ATXN1: variants seen among roughly 807,000 people sequenced by gnomAD.
ATXN1 encodes ataxin-1.
In ATXN1, 8 loss-of-function variants were observed where a neutral mutation model predicts 56.4. That is an observed-to-expected ratio of 0.14 (90% confidence interval 0.08 to 0.26). The LOEUF is 0.26. ATXN1 is among the 10% of genes least tolerant of loss of function. The pLI, the probability that ATXN1 is intolerant of heterozygous loss-of-function variation, is 1.00. For synonymous variants in ATXN1, 514 were observed against 494.6 expected, an observed-to-expected ratio of 1.04 and a Z score of -0.52; for missense variants, 987 against 1,106.5, an observed-to-expected ratio of 0.89 and a Z score of 1.53.
At chr6:16,382,036 C>T (rs1758136569) in intron 6 of ATXN1, among the ~76,000 whole-genome samples, 1 of 152,134 alleles carries the variant, frequency 6.6e-6, no homozygotes, top group South Asian at 2.1e-4. Flanking sequence ...AGTAATTCTA[C>T]CCAAAACAAA....
At chr6:16,563,685 T>C (rs1762161995) in intron 4 of ATXN1, among the ~76,000 whole-genome samples, 1 of 151,986 alleles carries the variant, frequency 6.6e-6, no homozygotes, top group Non-Finnish European at 1.5e-5. Context: ...GTCCGGGGTG[T>C]GGCAGTATCT....
At chr6:16,426,157 G>A (rs1007981424) in intron 6 of ATXN1, among the ~76,000 whole-genome samples, 9 of 152,128 alleles carry the variant, frequency 5.9e-5, no homozygotes, top group Non-Finnish European at 2.9e-5. Context: ...AACCTTTTGA[G>A]GACAGAAGGC....
At chr6:16,636,694 G>C (rs79881269) in intron 3 of ATXN1, among the ~76,000 whole-genome samples, 8,496 of 152,274 alleles carry the variant, frequency 0.056, 426 homozygotes, top group Middle Eastern at 0.15. Flanking sequence ...TGATTCCTCA[G>C]TTATATTTTC....
At chr6:16,329,751 T>C (rs184202256) in intron 6 of ATXN1, among the ~76,000 whole-genome samples, 4 of 152,316 alleles carry the variant, frequency 2.6e-5, no homozygotes, top group Non-Finnish European at 5.9e-5. Context: ...GATCAGTGTG[T>C]TCAAACCTGG....
At chr6:16,366,912 A>G (rs1339197322) in intron 6 of ATXN1, among the ~76,000 whole-genome samples, 1 of 152,190 alleles carries the variant, frequency 6.6e-6, no homozygotes, top group Admixed American at 6.5e-5. Flanking sequence ...TGAGCTATGA[A>G]ATGGGGAACT....
At chr6:16,714,380 T>C (rs987355293) in intron 2 of ATXN1, among the ~76,000 whole-genome samples, 6 of 152,128 alleles carry the variant, frequency 3.9e-5, no homozygotes, top group Non-Finnish European at 5.9e-5. Context: ...CCCGCCTTTG[T>C]AGAACAGCTA....
At chr6:16,717,637 T>C (rs1759665679) in intron 2 of ATXN1, among the ~76,000 whole-genome samples, 2 of 152,208 alleles carry the variant, frequency 1.3e-5, no homozygotes, top group Admixed American at 6.5e-5. Flanking sequence ...AGTATGTTAG[T>C]AATGGTTTCC....
intron 4 of ATXN1, among the ~76,000 whole-genome samples, chr6:16,552,637 T>G (rs929505796): frequency 2.6e-5 from 4 of 152,204 alleles, no homozygotes; most frequent in African/African-American, 9.7e-5. Flanking sequence ...ATACTCACAC[T>G]TTTCACAAGT....
At chr6:16,628,833 A>G (rs1026703311) in intron 3 of ATXN1, among the ~76,000 whole-genome samples, 35 of 152,278 alleles carry the variant, frequency 2.3e-4, no homozygotes, top group Middle Eastern at 6.8e-3. Context: ...TTCCATGGTA[A>G]TATGTACCAC....
intron 3 of ATXN1, among the ~76,000 whole-genome samples, chr6:16,606,502 T>C (rs892388159): frequency 1.4e-4 from 20 of 146,064 alleles, no homozygotes; most frequent in Admixed American, 1.3e-3. Context: ...TTCGTTTGTT[T>C]GTGGTTTTTT....
At position 16,306,781 on chromosome 6, in the gene ATXN1, T is replaced by G; in HGVS notation, c.1996A>C (p.Ser666Arg). ...GWSSCCPERT[S>R]QLFDLPCSKL... is the part of the protein sequence containing the mutation. ...GAACACGGCAAATCAAAGAGCTGGC[T>G]GGTTCTCTCCGGACAGCAGGATGAC... is the stretch of plus-strand genomic sequence containing the variant. The change falls in exon 8 of 8, where the codon AGC becomes CGC. Residue 666 changes from serine (S) to arginine (R), a missense_variant. Ser to Arg is a moderately radical substitution (Grantham distance 110, BLOSUM62 -1). Coordinates refer to ENST00000436367, the MANE Select transcript of ATXN1 (RefSeq NM_001128164.2). This position sits in a 1 kb window ranked among gnomAD's most constrained non-coding sequence, Gnocchi z 5.2. The G allele has an allele frequency of 6.2e-7, 1 of 1,614,136 alleles. No homozygotes were observed. Among genetic ancestry groups the G allele is most frequent in the Non-Finnish European group, 8.5e-7 (1 of 1,180,024 alleles).
chr6:16,341,628 C>T (rs1036143512), intron 6 of ATXN1, among the ~76,000 whole-genome samples: 4 of 150,544 alleles, frequency 2.7e-5, no homozygotes, highest in Non-Finnish European at 4.4e-5. Context: ...ACACCATTCT[C>T]CTGCCTCAGC....
At chr6:16,681,153 C>T (rs965666575) in intron 2 of ATXN1, among the ~76,000 whole-genome samples, 17 of 152,210 alleles carry the variant, frequency 1.1e-4, no homozygotes, top group African/African-American at 7.2e-5. Context: ...CCAGGATCTT[C>T]TATTTAATGG....
intron 2 of ATXN1, among the ~76,000 whole-genome samples, chr6:16,749,269 C>T (rs1008913377): frequency 6.6e-6 from 1 of 152,070 alleles, no homozygotes; most frequent in African/African-American, 2.4e-5. Flanking sequence ...TTGTGATTTA[C>T]GCATATCATG....
In ATXN1 at chr6:16,376,020, C is replaced by T. The variant is rs138285498; in HGVS notation, c.-160-47550G>A. Among the ~76,000 whole-genome samples the T allele has an allele frequency of 1.7e-4, 26 of 152,298 alleles. 1 individual carries two copies. The South Asian group carries it at 3.5e-3, about 21-fold the overall frequency. On this transcript the variant is annotated intron_variant, in intron 6 of 7. Transcript: ENST00000436367. ...TGGTGCCCCATGGCACAGCTGCCTGCGGGATGGCACATGGTACACTAATAG... is the reference window on the plus strand; with the variant it reads ...TGGTGCCCCATGGCACAGCTGCCTGTGGGATGGCACATGGTACACTAATAG...
At chr6:16,713,645 GC>G (rs1759572778) in intron 2 of ATXN1, among the ~76,000 whole-genome samples, 1 of 152,216 alleles carries the variant, frequency 6.6e-6, no homozygotes, top group South Asian at 2.1e-4. Context: ...CATCCTCCAT[GC>G]AGTTCTCCAC....
intron 2 of ATXN1, among the ~76,000 whole-genome samples, chr6:16,743,930 A>T (rs1760433603): frequency 1.3e-5 from 2 of 152,214 alleles, no homozygotes; most frequent in Admixed American, 1.3e-4. Context: ...GAAGGTCCTC[A>T]AAACCTATGG....
intron 2 of ATXN1, among the ~76,000 whole-genome samples, chr6:16,663,698 T>C (rs1408102880): frequency 5.3e-5 from 8 of 152,088 alleles, no homozygotes; most frequent in Admixed American, 5.2e-4. Flanking sequence ...AGGGTCTTGC[T>C]CTGTCACTTA....
chr6:16,496,432 G>A (rs193175551), intron 5 of ATXN1, among the ~76,000 whole-genome samples: 24 of 152,274 alleles, frequency 1.6e-4, no homozygotes, highest in Admixed American at 4.6e-4. Flanking sequence ...TGGCGCTGAA[G>A]ATTTGATACC....
Sources: allele counts gnomAD v4.1 joint callset (sites outside exome capture counted in the v4.1 genomes callset), GRCh38; gene constraint gnomAD v4.1.1; non-coding constraint Gnocchi (gnomAD v3.1); transcripts MANE v1.5; gene names NCBI Gene and HGNC (gene_info 2026-07-23, HGNC 2026-07-21).